ESR2: variants seen among roughly 807,000 people sequenced by gnomAD.
The protein encoded by ESR2 is estrogen receptor beta.
ESR2 carries 36 observed loss-of-function variants against 49.6 expected under a neutral mutation model. The ratio of observed to expected loss-of-function variants is 0.73; its 90% confidence interval spans 0.56 to 0.96. ESR2 has a LOEUF of 0.96. Among genes scored for constraint, ESR2 ranks in the 40% least tolerant of loss-of-function variants. The pLI is 0.00. For synonymous variants in ESR2, 320 were observed against 266.1 expected, an observed-to-expected ratio of 1.20 and a Z score of -1.97; for missense variants, 714 against 693.0, an observed-to-expected ratio of 1.03 and a Z score of -0.34.
Position 64,280,041 on chromosome 14 carries a change from A to G in ESR2, c.475T>C (p.Tyr159His). 6.2e-7 allele frequency: 1 copy of G among 1,614,190 alleles called. No homozygotes were observed. The highest frequency in any genetic ancestry group is 8.5e-7 in the Non-Finnish European group (1 of 1,179,994). The change falls in exon 3 of 9, where the codon TAT becomes CAT. Residue 159 changes from tyrosine to histidine, a missense_variant. Tyr to His is a moderately conservative substitution (Grantham distance 83). Transcript: ENST00000341099. ...CAVCSDYASG[Y>H]HYGVWSCEGC... Reference sequence around the variant, plus strand: ...TCACACGACCAGACTCCATAGTGATATCCCGATGCGTAATCGCTGCAGACA... The same window carrying G: ...TCACACGACCAGACTCCATAGTGATGTCCCGATGCGTAATCGCTGCAGACA...
chr14:64,268,144 G>T (rs1295421698), intron 4 of ESR2, among the ~76,000 whole-genome samples: 1 of 152,124 alleles, frequency 6.6e-6, no homozygotes, highest in African/African-American at 2.4e-5. Context: ...TTTTCTTTGT[G>T]CATAAAATAT....
At chr14:64,279,600 C>A (rs942410529) in intron 3 of ESR2, among the ~76,000 whole-genome samples, 1 of 152,220 alleles carries the variant, frequency 6.6e-6, no homozygotes, top group African/African-American at 2.4e-5. Context: ...AGCCAGCCCA[C>A]CATCATGACT....
At position 64,230,378 on chromosome 14, in the gene ESR2, T is replaced by A. The variant is rs182105647; in HGVS notation, c.*2759A>T. 1.3e-4 allele frequency among the ~76,000 whole-genome samples: 20 copies of A among 152,256 alleles called. No homozygotes were observed. The highest frequency in any genetic ancestry group is 1.2e-3 in the Admixed American group (19 of 15,274). ...ATTGCTTCAATTCCACTTATATACA[T>A]AAATATATATGGATATATAATATGG... On this transcript the variant is annotated 3_prime_UTR_variant, in exon 9 of 9. Coordinates refer to ENST00000341099, the MANE Select transcript of ESR2 (RefSeq NM_001437.3).
upstream of ESR2, chr14:64,294,389 C>T (rs1375517250): frequency 6.6e-6 from 1 of 152,444 alleles, no homozygotes; most frequent in Non-Finnish European, 1.5e-5. Flanking sequence ...CGATAAGCCC[C>T]TTCTTCCTTT....
At position 64,260,673 on chromosome 14, in the gene ESR2, C is replaced by T. The variant is rs760419460; in HGVS notation, c.728G>A (p.Gly243Asp). 4.6e-5 allele frequency: 72 copies of T among 1,579,208 alleles called. No individual in the cohort carries two copies. The highest frequency in any genetic ancestry group is 6.9e-5 in the East Asian group (3 of 43,228). ...RSADEQLHCA[G>D]KAKRSGGHAP... ...GTGGCCGCCACTTCTCTTGGCCTTG[C>T]CGGCACAGTGCAGCTGCTCGTCGGC... is the stretch of plus-strand genomic sequence containing the variant. The change falls in exon 5 of 9, where the codon GGC becomes GAC. Residue 243 changes from glycine to aspartate, a missense_variant. Coordinates refer to ENST00000341099, the MANE Select transcript of ESR2 (RefSeq NM_001437.3).
chr14:64,280,210 T>G, intron 2 of ESR2, 57 bp from the exon 3 acceptor site: 3 of 1,273,590 alleles, frequency 2.4e-6, no homozygotes. Flanking sequence ...GGAAGGGCTT[T>G]CTAGGAAAAA....
At chr14:64,267,809 G>A (rs1385417560) in intron 4 of ESR2, among the ~76,000 whole-genome samples, 8 of 151,704 alleles carry the variant, frequency 5.3e-5, no homozygotes, top group South Asian at 2.1e-4. Flanking sequence ...ATGTGAACCC[G>A]GGAGGCAGAG....
chr14:64,291,494 A>T (rs1699935682), intron 1 of ESR2, among the ~76,000 whole-genome samples: 1 of 152,170 alleles, frequency 6.6e-6, no homozygotes, highest in Admixed American at 6.6e-5. Context: ...TTTAAAATAC[A>T]GGCTGTTTTT....
intron 5 of ESR2, 145 bp from the exon 6 acceptor site, chr14:64,257,509 A>C: frequency 3.6e-5 from 37 of 1,028,136 alleles, no homozygotes; most frequent in Non-Finnish European, 4.5e-5. Context: ...TTAACTGCTC[A>C]TTAAAGGAAG....
intron 7 of ESR2, 44 bp from the exon 8 acceptor site, chr14:64,235,194 GAGC>G (rs2098731437): frequency 1.9e-6 from 3 of 1,587,696 alleles, no homozygotes; most frequent in Non-Finnish European, 2.6e-6. Context: ...CTGAGCAAAG[GAGC>G]AGAAGTCGTG....
intron 1 of ESR2, among the ~76,000 whole-genome samples, chr14:64,323,755 G>C (rs376366082): frequency 1.1e-4 from 16 of 151,990 alleles, no homozygotes; most frequent in African/African-American, 3.9e-4. Context: ...GCAGTGGCAC[G>C]ATCTCAGCTC....
chr14:64,301,368 C>G (rs2077019054), intron 1 of ESR2: 1 of 152,156 alleles, frequency 6.6e-6, no homozygotes, highest in African/African-American at 2.4e-5. Flanking sequence ...AGCTCCTTAC[C>G]AGGGCTAATT....
At chr14:64,279,373 T>C (rs2076619453) in intron 3 of ESR2, among the ~76,000 whole-genome samples, 1 of 151,962 alleles carries the variant, frequency 6.6e-6, no homozygotes, top group African/African-American at 2.4e-5. Context: ...TTGATTCTTT[T>C]CATCAACAAG....
At chr14:64,274,323 G>C (rs1042912185) in intron 3 of ESR2, among the ~76,000 whole-genome samples, 2 of 152,012 alleles carry the variant, frequency 1.3e-5, no homozygotes, top group African/African-American at 4.8e-5. Flanking sequence ...TTTCTTCATA[G>C]TTCAATCTTA....
intron 7 of ESR2, among the ~76,000 whole-genome samples, chr14:64,243,444 C>T (rs1469878728): frequency 6.6e-6 from 1 of 152,184 alleles, no homozygotes; most frequent in Non-Finnish European, 1.5e-5. Context: ...CAGACTTGTT[C>T]AATGCAGCAT....
chr14:64,283,025 G>A lies in ESR2; in HGVS notation c.-40C>T. 1 of 1,571,882 alleles carries A rather than the reference G, an allele frequency of 6.4e-7. No individual in the cohort carries two copies. The highest frequency in any genetic ancestry group is 8.6e-7 in the Non-Finnish European group (1 of 1,159,460). On this transcript the variant is annotated 5_prime_UTR_variant, in exon 2 of 9. Transcript: ENST00000341099. ...GCTGAGAAAACACCTTGCAAGAAGAGGCACAAAGGTCATTATAATGTTCTC... is the reference window on the plus strand; with the variant it reads ...GCTGAGAAAACACCTTGCAAGAAGAAGCACAAAGGTCATTATAATGTTCTC...
At chr14:64,264,151 CA>C (rs2076275608) in intron 4 of ESR2, among the ~76,000 whole-genome samples, 1 of 152,120 alleles carries the variant, frequency 6.6e-6, no homozygotes, top group Non-Finnish European at 1.5e-5. Context: ...TTGAAATCTG[CA>C]AAATGCTTGG....
At chr14:64,307,996 TTTTG>T (rs746355162) in intron 1 of ESR2, among the ~76,000 whole-genome samples, 30 of 152,136 alleles carry the variant, frequency 2.0e-4, no homozygotes, top group South Asian at 6.2e-4. Flanking sequence ...TAATTTCGTT[TTTTG>T]TTTGTTTGTT....
rs140683930 is a variant in ESR2, at chr14:64,332,823, A to G, written c.-91+5075T>C. On this transcript the variant is annotated intron_variant, in intron 1 of 8. Coordinates refer to the ESR2 transcript ENST00000358599. ...TCAAAAAAAAAAAAAAGGGTACCGT[A>G]TATGATCAAACATCTCCTCTCTACA... 6.3e-4 allele frequency among the ~76,000 whole-genome samples: 95 copies of G among 150,682 alleles called. 3 individuals carry two copies. In the East Asian group the frequency reaches 0.014, roughly 22 times the overall value.
Sources: gnomAD v4.1 joint callset for allele counts (sites outside exome capture counted in the v4.1 genomes callset) on GRCh38, gnomAD v4.1.1 for gene constraint, MANE v1.5 for transcripts, NCBI Gene and HGNC (gene_info 2026-07-23, HGNC 2026-07-21) for gene names.